CPEB2: variants seen among roughly 807,000 people sequenced by gnomAD.
CPEB2 encodes cytoplasmic polyadenylation element-binding protein 2.
In CPEB2, 56 loss-of-function variants were observed where a neutral mutation model predicts 93.6. The observed-to-expected ratio is 0.60, with a 90% confidence interval of 0.48 to 0.75. The LOEUF is 0.75. Ranked by LOEUF, CPEB2 falls within the 30% of genes least tolerant of loss-of-function variation. The probability of loss-of-function intolerance (pLI) is 0.00; values close to 1 mark genes in which losing one functional copy is unlikely to be tolerated. For synonymous variants in CPEB2, 764 were observed against 586.3 expected (o/e 1.30, Z -4.38); for missense variants, 1,579 against 1,395.1 (o/e 1.13, Z -2.10).
intron 3 of CPEB2, among the ~76,000 whole-genome samples, chr4:15,014,767 T>A (rs1256429416): frequency 6.6e-6 from 1 of 152,068 alleles, no homozygotes; most frequent in African/African-American, 2.4e-5. Context: ...AGATAGTCCC[T>A]ATTCTTAATC....
rs777419235 is a variant in CPEB2 at position 15,004,113 on chromosome 4, GAGC to G, written c.1441_1443del (p.Ser481del). On this transcript the variant is annotated inframe_deletion, in exon 1 of 12. Transcript: ENST00000538197. ...GCTGCACTGGGCTCAGCGTTCCGACGAGCGGCGGCGGCGGCGGCGGCTTCGGCG... is the reference window on the plus strand; with the variant it reads ...GCTGCACTGGGCTCAGCGTTCCGACGGGCGGCGGCGGCGGCGGCTTCGGCG... 1.3e-5 allele frequency: 20 copies of G among 1,548,708 alleles called. No homozygotes were observed. In the East Asian group the frequency reaches 4.2e-4, roughly 33 times the overall value.
chr4:15,013,948 G>A (rs544896950), intron 3 of CPEB2, among the ~76,000 whole-genome samples: 1 of 152,122 alleles, frequency 6.6e-6, no homozygotes, highest in East Asian at 1.9e-4. Context: ...CATTCAAGCT[G>A]AAGTTATTAA....
At chr4:15,036,747 A>G (rs887417287) in intron 5 of CPEB2, among the ~76,000 whole-genome samples, 2 of 152,206 alleles carry the variant, frequency 1.3e-5, no homozygotes, top group African/African-American at 4.8e-5. Context: ...CAAGCTAGTT[A>G]GAAATGTAAA....
At chr4:15,055,456 G>A (rs966665372) in intron 8 of CPEB2, among the ~76,000 whole-genome samples, 1 of 152,132 alleles carries the variant, frequency 6.6e-6, no homozygotes, top group Non-Finnish European at 1.5e-5. Context: ...ATTTCATAAA[G>A]TTTACTTTAT....
At chr4:15,037,811 TA>T (rs1431180888) in intron 5 of CPEB2, among the ~76,000 whole-genome samples, 1 of 152,224 alleles carries the variant, frequency 6.6e-6, no homozygotes, top group Non-Finnish European at 1.5e-5. Context: ...TTTTTCCTTT[TA>T]AAAATCATTT....
chr4:15,006,268 T>C (rs1722804655), intron 1 of CPEB2, among the ~76,000 whole-genome samples: 1 of 152,188 alleles, frequency 6.6e-6, no homozygotes, highest in Non-Finnish European at 1.5e-5. Flanking sequence ...AGTTTCTCTT[T>C]TAATTGTCTT....
intron 4 of CPEB2, chr4:15,017,964 T>C (rs552799578): frequency 6.6e-6 from 1 of 152,066 alleles, no homozygotes; most frequent in South Asian, 2.1e-4. Flanking sequence ...GGTGAAAATC[T>C]ACCAAATTGT....
In CPEB2 at chr4:15,040,504, TG is replaced by T. The variant is rs1267054680; in HGVS notation, c.2200+18del. On this transcript the variant is annotated intron_variant, in intron 6 of 11. Coordinates refer to ENST00000538197, the MANE Select transcript of CPEB2 (RefSeq NM_001177382.2). ...GAAGACGAGGTAATTCATTTCTGTTTGCTATGGTATAATTGTTTCTAATGGG... is the reference window on the plus strand; with the variant it reads ...GAAGACGAGGTAATTCATTTCTGTTTCTATGGTATAATTGTTTCTAATGGG... The T allele has an allele frequency of 6.5e-7, 1 of 1,535,022 alleles. No individual in the cohort carries two copies. Among genetic ancestry groups the T allele is most frequent in the South Asian group, 1.2e-5 (1 of 84,018 alleles).
Position 15,066,820 on chromosome 4 carries a change from T to C in CPEB2, c.*440T>C, listed in dbSNP as rs1729735864. ...GAAGATGGAATATGTCTGCTACAAATGCTTATTTTTATTGTTGCTATTTTC... is the reference window on the plus strand; with the variant it reads ...GAAGATGGAATATGTCTGCTACAAACGCTTATTTTTATTGTTGCTATTTTC... On this transcript the variant is annotated 3_prime_UTR_variant, in exon 12 of 12. Transcript: ENST00000538197. 1 of 156,534 alleles carries C rather than the reference T, an allele frequency of 6.4e-6. No individual in the cohort carries two copies. The highest frequency in any genetic ancestry group is 6.4e-5 in the Admixed American group (1 of 15,720). The allele number at this position is 156,534 out of a possible 1,614,324, so 9.7% of individuals were successfully genotyped here. A position where few individuals can be genotyped will look rare whatever the true frequency, so the allele number is the denominator to read the frequency against.
chr4:15,008,502 T>C (rs943285004), intron 3 of CPEB2, 75 bp downstream of exon 3: 5 of 954,982 alleles, frequency 5.2e-6, no homozygotes, highest in African/African-American at 1.6e-5. Context: ...GGATTTATTA[T>C]TTACTTTCTT....
chr4:15,029,272 T>C (rs1171949250), intron 4 of CPEB2, among the ~76,000 whole-genome samples: 1 of 152,076 alleles, frequency 6.6e-6, no homozygotes, highest in Middle Eastern at 3.2e-3. Context: ...ATATTTTCAA[T>C]ATAATTTCTT....
At chr4:15,042,983 C>T (rs1291880854) in intron 6 of CPEB2, among the ~76,000 whole-genome samples, 1 of 152,132 alleles carries the variant, frequency 6.6e-6, no homozygotes, top group Admixed American at 6.5e-5. Flanking sequence ...ATGTGTCACA[C>T]TGAGTTGATA....
chr4:15,045,765 T>C (rs1727612883), intron 6 of CPEB2, among the ~76,000 whole-genome samples: 1 of 152,166 alleles, frequency 6.6e-6, no homozygotes, highest in Non-Finnish European at 1.5e-5. Context: ...AAAACACATC[T>C]AACTCTTGTG....
At chr4:15,058,597 T>C in intron 9 of CPEB2, 58 bp downstream of exon 9, 1 of 910,052 alleles carries the variant, frequency 1.1e-6, no homozygotes, top group Non-Finnish European at 1.8e-6. Context: ...AAAATTGTTT[T>C]GAAATGATTG....
In CPEB2 at chr4:15,052,468, A is replaced by G. The variant is rs1728321582; in HGVS notation, c.2255A>G (p.Asp752Gly). 1.3e-6 allele frequency: 2 copies of G among 1,593,914 alleles called. No individual in the cohort carries two copies. Among genetic ancestry groups the G allele is most frequent in the Non-Finnish European group, 1.7e-6 (2 of 1,167,396 alleles). The change falls in exon 7 of 12, where the codon GAT (aspartate) becomes GGT (glycine). Residue 752 changes from aspartate to glycine, a missense_variant. Asp to Gly is a moderately conservative substitution (Grantham distance 94). Around this residue, in one of 2 missense-constraint regions of CPEB2, gnomAD observed 1,411 missense variants for 1,056.0 expected, o/e 1.34. Coordinates refer to ENST00000538197, the MANE Select transcript of CPEB2 (RefSeq NM_001177382.2). ...GGCTTGCTTGATGATGGTCACAGTG[A>G]TCAAGTTGGAGTTTTAAATTCACCC... ...DDGLLDDGHS[D>G]QVGVLNSPTC...
chr4:15,003,254 A>AGCCGCC lies in CPEB2; in HGVS notation c.591_596dup (p.Pro200_Pro201dup), dbSNP rs560468327. ...CACCTTCCCCACCCTCCGGACTCGAAGCCGCCGCCGCCGCCTCCGCCGCTC... is the reference window on the plus strand; with the variant it reads ...CACCTTCCCCACCCTCCGGACTCGAAGCCGCCGCCGCCGCCGCCGCCTCCGCCGCTC... On this transcript the variant is annotated inframe_insertion, in exon 1 of 12. Transcript: ENST00000538197. The AGCCGCC allele has an allele frequency of 0.045, 68,106 of 1,520,498 alleles. 4,967 individuals are homozygous for AGCCGCC. The highest frequency in any genetic ancestry group is 0.28 in the African/African-American group (19,445 of 70,446). The allele number at this position is 1,520,498 out of a possible 1,614,324, so 94.2% of individuals were successfully genotyped here.
Position 15,002,883 on chromosome 4 carries a change from C to T in CPEB2, c.210C>T (p.Gly70=), listed in dbSNP as rs1560202825. 6.6e-7 allele frequency: 1 copy of T among 1,518,962 alleles called. No individual in the cohort carries two copies. The highest frequency in any genetic ancestry group is 8.8e-7 in the Non-Finnish European group (1 of 1,142,296). 94.1% of individuals were successfully genotyped at this position (1,518,962 alleles called of 1,614,324 possible). The part of the protein sequence containing the change: ...EAASPFSVPL[G]GGAGSPAAAA... ...CCTCCCCCTTCTCCGTCCCCCTCGGCGGCGGCGCGGGCAGCCCGGCCGCCG... is the reference window on the plus strand; with the variant it reads ...CCTCCCCCTTCTCCGTCCCCCTCGGTGGCGGCGCGGGCAGCCCGGCCGCCG... The change falls in exon 1 of 12, where the codon GGC becomes GGT. Residue 70 remains glycine, a synonymous_variant. Coordinates refer to ENST00000538197, the MANE Select transcript of CPEB2 (RefSeq NM_001177382.2).
At chr4:15,021,647 G>A (rs577241910) in intron 4 of CPEB2, among the ~76,000 whole-genome samples, 1 of 152,222 alleles carries the variant, frequency 6.6e-6, no homozygotes, top group East Asian at 1.9e-4. Flanking sequence ...TAACGGTTTG[G>A]GGGAAGATCT....
intron 4 of CPEB2, among the ~76,000 whole-genome samples, chr4:15,032,243 A>G (rs1478868722): frequency 1.3e-5 from 2 of 152,168 alleles, no homozygotes; most frequent in Non-Finnish European, 2.9e-5. Flanking sequence ...GACTACAAGC[A>G]TGAGCCACCA....
Sources: gnomAD v4.1 joint callset for allele counts (sites outside exome capture counted in the v4.1 genomes callset) on GRCh38, gnomAD v4.1.1 for gene constraint, gnomAD v4.1.1 regional missense constraint, MANE v1.5 for transcripts, NCBI Gene and HGNC (gene_info 2026-07-23, HGNC 2026-07-21) for gene names.